The following CDH13 variants were observed in gnomAD, a reference collection of about 807,000 sequenced individuals.
The protein encoded by CDH13 is cadherin-13.
Under a neutral mutation model 63.8 loss-of-function variants are expected in CDH13, and 24 were observed. The observed-to-expected ratio is 0.38, with a 90% CI of 0.27 to 0.53. The LOEUF is 0.53. Ranked by LOEUF, CDH13 falls within the 20% of genes least tolerant of loss-of-function variation. CDH13 has a pLI of 0.85. For missense variants in CDH13, 1,049 were observed against 903.1 expected (o/e 1.16, Z -2.07); for synonymous variants, 503 against 355.3 (o/e 1.42, Z -4.67).
At chr16:82,845,013 T>C (rs987827397) in intron 1 of CDH13, among the ~76,000 whole-genome samples, 1 of 151,948 alleles carries the variant, frequency 6.6e-6, no homozygotes, top group South Asian at 2.1e-4. Context: ...CATTATGAAA[T>C]TGATACACGC....
chr16:82,902,861 C>T lies in CDH13; in HGVS notation c.157+44388C>T, dbSNP rs1447835558. ...AGAGGGTTCATCCAATATAAACTGC[C>T]AACAGTAGGTTGGAAATACTCATCA... On this transcript the variant is annotated intron_variant, in intron 2 of 13. Coordinates refer to ENST00000567109, the MANE Select transcript of CDH13 (RefSeq NM_001257.5). Among the ~76,000 whole-genome samples, 3 of 152,098 alleles carry T rather than the reference C, an allele frequency of 2.0e-5. No individual in the cohort carries two copies. The East Asian group carries it at 5.8e-4, about 29-fold the overall frequency.
intron 4 of CDH13, among the ~76,000 whole-genome samples, chr16:83,167,010 T>C (rs2037705167): frequency 6.6e-6 from 1 of 152,168 alleles, no homozygotes; most frequent in African/African-American, 2.4e-5. Flanking sequence ...GCATTTTTAC[T>C]TTTTGAGAAG....
chr16:82,835,464 A>T (rs748891795), intron 1 of CDH13, among the ~76,000 whole-genome samples: 29 of 152,336 alleles, frequency 1.9e-4, no homozygotes, highest in Admixed American at 3.9e-4. Flanking sequence ...GTACCCACCC[A>T]GCAAATTTCC....
intron 4 of CDH13, among the ~76,000 whole-genome samples, chr16:83,137,005 G>C (rs550491884): frequency 9.8e-5 from 15 of 152,340 alleles, no homozygotes; most frequent in Non-Finnish European, 1.8e-4. Context: ...TGAAGGAGTA[G>C]GGTTGACTTC....
intron 4 of CDH13, among the ~76,000 whole-genome samples, chr16:83,157,693 G>A (rs1260797185): frequency 7.3e-6 from 1 of 137,186 alleles, no homozygotes; most frequent in Non-Finnish European, 1.5e-5. Flanking sequence ...AGGAGATTTA[G>A]AACATCCGGG....
At chr16:83,258,954 C>T (rs573283930) in intron 5 of CDH13, among the ~76,000 whole-genome samples, 2 of 152,282 alleles carry the variant, frequency 1.3e-5, no homozygotes, top group Admixed American at 6.5e-5. Flanking sequence ...CCATTTGATA[C>T]ATAAACAAAA....
intron 3 of CDH13, among the ~76,000 whole-genome samples, chr16:83,078,091 A>C (rs916151228): frequency 1.3e-5 from 2 of 152,208 alleles, no homozygotes; most frequent in Admixed American, 1.3e-4. Flanking sequence ...AGTCAGCTCA[A>C]ATAGGGATAC....
chr16:82,795,381 T>C (rs2036531642), intron 1 of CDH13, among the ~76,000 whole-genome samples: 1 of 152,054 alleles, frequency 6.6e-6, no homozygotes, highest in African/African-American at 2.4e-5. Flanking sequence ...CACAGCAAGG[T>C]GAGAAGCTTC....
chr16:83,092,345 C>G (rs760410186), intron 3 of CDH13, among the ~76,000 whole-genome samples: 12 of 152,200 alleles, frequency 7.9e-5, no homozygotes, highest in Admixed American at 2.6e-4. Flanking sequence ...ATTTGATTGA[C>G]GGCTACTGTT....
rs139407481 is a variant in CDH13 at position 83,617,973 on chromosome 16, T to C, written c.1101+15379T>C. On this transcript the variant is annotated intron_variant, in intron 8 of 13. Coordinates refer to ENST00000567109, the MANE Select transcript of CDH13 (RefSeq NM_001257.5). ...TATTGCCACTCTCACTAAATTAGAA[T>C]GTAAGCTCCTCAAGGAAAGAAACTA... is the stretch of plus-strand genomic sequence containing the variant. Among the ~76,000 whole-genome samples, 316 of 152,324 alleles carry C rather than the reference T, an allele frequency of 2.1e-3. 9 individuals are homozygous for C. The East Asian group carries it at 0.037, about 18-fold the overall frequency.
intron 10 of CDH13, among the ~76,000 whole-genome samples, chr16:83,692,526 T>G (rs1905013561): frequency 6.6e-6 from 1 of 152,214 alleles, no homozygotes; most frequent in African/African-American, 2.4e-5. Flanking sequence ...ATTTAACTCT[T>G]TCATGCCCAC....
chr16:83,243,014 G>A (rs1255838231), intron 5 of CDH13, among the ~76,000 whole-genome samples: 3 of 152,102 alleles, frequency 2.0e-5, no homozygotes, highest in Non-Finnish European at 4.4e-5. Flanking sequence ...TTTGAATGTT[G>A]AGGAAACTGC....
chr16:83,010,135 CAAAA>C (rs67985333), intron 2 of CDH13, among the ~76,000 whole-genome samples: 25 of 50,104 alleles, frequency 5.0e-4, no homozygotes, highest in South Asian at 2.0e-3. Context: ...AACTCTGTCT[CAAAA>C]AAAAAAAAAA....
At chr16:83,004,545 C>T (rs375146616) in intron 2 of CDH13, among the ~76,000 whole-genome samples, 6 of 152,202 alleles carry the variant, frequency 3.9e-5, no homozygotes, top group South Asian at 4.2e-4. Flanking sequence ...CATTCTGTCA[C>T]CCAGGCTGGA....
intron 1 of CDH13, among the ~76,000 whole-genome samples, chr16:82,648,298 T>G (rs1910334388): frequency 6.6e-6 from 1 of 152,218 alleles, no homozygotes; most frequent in South Asian, 2.1e-4. Flanking sequence ...TACATTATAT[T>G]AAATGATATA....
intron 2 of CDH13, among the ~76,000 whole-genome samples, chr16:83,000,264 T>TTTTTTA (rs1912748830): frequency 1.9e-5 from 2 of 107,110 alleles, no homozygotes; most frequent in Non-Finnish European, 3.8e-5. Flanking sequence ...TTTTTTTTTT[T>TTTTTTA]GAGACAGAGT....
chr16:82,844,315 A>C (rs886539985), intron 1 of CDH13: 2 of 152,238 alleles, frequency 1.3e-5, no homozygotes, highest in African/African-American at 4.8e-5. Context: ...GAAGGAGTTC[A>C]GCCCTGTGGC....
intron 2 of CDH13, among the ~76,000 whole-genome samples, chr16:82,881,472 T>C (rs908224905): frequency 6.6e-6 from 1 of 152,152 alleles, no homozygotes; most frequent in Non-Finnish European, 1.5e-5. Flanking sequence ...GAGCCAAGCC[T>C]GTATAACTCC....
intron 4 of CDH13, among the ~76,000 whole-genome samples, chr16:83,130,360 T>G (rs1256172894): frequency 6.6e-6 from 1 of 152,218 alleles, no homozygotes; most frequent in African/African-American, 2.4e-5. Context: ...GATTTCAAAG[T>G]CTGTGCTCTT....
Sources: gnomAD v4.1 joint callset for allele counts (sites outside exome capture counted in the v4.1 genomes callset) on GRCh38, gnomAD v4.1.1 for gene constraint, MANE v1.5 for transcripts, NCBI Gene and HGNC (gene_info 2026-07-23, HGNC 2026-07-21) for gene names.